The following MED27 variants were observed in gnomAD, a reference collection of about 807,000 sequenced individuals.
MED27 encodes the protein mediator of RNA polymerase II transcription subunit 27.
In MED27, 30 loss-of-function variants were observed where a neutral mutation model predicts 38.2. The observed-to-expected ratio is 0.79, with a 90% confidence interval of 0.59 to 1.07. MED27 has a LOEUF of 1.07. MED27 is among the 50% of genes least tolerant of loss of function. The pLI, the probability that MED27 is intolerant of heterozygous loss-of-function variation, is 0.00. For missense variants in MED27, 289 were observed against 397.5 expected (o/e 0.73, Z 2.32); for synonymous variants, 122 against 153.5 (o/e 0.79, Z 1.52).
intron 3 of MED27, among the ~76,000 whole-genome samples, chr9:131,981,921 G>A (rs1240766934): frequency 1.3e-5 from 2 of 152,198 alleles, no homozygotes. Flanking sequence ...ACTCCAGTCA[G>A]GAGGAAAGCA....
At chr9:131,903,891 CTTTTT>C (rs35837340) in intron 4 of MED27, among the ~76,000 whole-genome samples, 3 of 126,722 alleles carry the variant, frequency 2.4e-5, no homozygotes, top group Non-Finnish European at 5.2e-5. Flanking sequence ...CCACACACAG[CTTTTT>C]TTTTTTTTTT....
Position 132,077,454 on chromosome 9 carries a change from C to T in MED27, c.336G>A (p.Lys112=), listed in dbSNP as rs1407324577. ...PLYSQLLQAY[K]WSNKLQYHAG... ...ACATCTCCCTTACCTTGTTTGACCA[C>T]TTATATGCTTGAAGGAGTTGACTAT... is the stretch of plus-strand genomic sequence containing the variant. The change falls in exon 2 of 8, where the codon AAG becomes AAA. Residue 112 remains lysine, a synonymous_variant. Coordinates refer to ENST00000292035, the MANE Select transcript of MED27 (RefSeq NM_004269.4). 4.3e-6 allele frequency: 7 copies of T among 1,613,998 alleles called. No individual in the cohort carries two copies. The highest frequency in any genetic ancestry group is 1.3e-5 in the African/African-American group (1 of 75,052).
intron 4 of MED27, among the ~76,000 whole-genome samples, chr9:131,894,899 C>T (rs1320430900): frequency 6.6e-6 from 1 of 152,138 alleles, no homozygotes; most frequent in African/African-American, 2.4e-5. Flanking sequence ...TACTGTGTCC[C>T]TGCTCTGGCA....
chr9:131,929,057 C>A (rs1288322650), intron 4 of MED27, among the ~76,000 whole-genome samples: 1 of 152,206 alleles, frequency 6.6e-6, no homozygotes, highest in Non-Finnish European at 1.5e-5. Flanking sequence ...GGGCACCAGG[C>A]AGTCGTGAGG....
intron 2 of MED27, among the ~76,000 whole-genome samples, chr9:132,034,217 G>A (rs1012995527): frequency 4.6e-5 from 7 of 152,110 alleles, no homozygotes; most frequent in Non-Finnish European, 8.8e-5. Flanking sequence ...CATATCATTA[G>A]GTCTCATAAA....
At chr9:132,013,615 G>C (rs1185040508) in intron 3 of MED27, among the ~76,000 whole-genome samples, 1 of 152,102 alleles carries the variant, frequency 6.6e-6, no homozygotes, top group Non-Finnish European at 1.5e-5. Flanking sequence ...AATGAACCTA[G>C]CATTTATTCT....
intron 3 of MED27, among the ~76,000 whole-genome samples, chr9:131,991,088 T>A (rs931190487): frequency 4.6e-5 from 7 of 152,152 alleles, no homozygotes; most frequent in African/African-American, 1.2e-4. Flanking sequence ...TGTTTTCCCT[T>A]CCAAGACAAC....
intron 4 of MED27, among the ~76,000 whole-genome samples, chr9:131,906,499 G>C (rs1290680344): frequency 6.6e-6 from 1 of 152,212 alleles, no homozygotes; most frequent in Non-Finnish European, 1.5e-5. Context: ...AGGGGCCTTT[G>C]AGACTCTGAT....
At chr9:132,011,854 T>G (rs1832492735) in intron 3 of MED27, among the ~76,000 whole-genome samples, 1 of 152,224 alleles carries the variant, frequency 6.6e-6, no homozygotes, top group African/African-American at 2.4e-5. Context: ...CATTTCTATG[T>G]TGTATTCTTA....
At chr9:131,891,503 T>C (rs539852729) in intron 5 of MED27, among the ~76,000 whole-genome samples, 2 of 152,330 alleles carry the variant, frequency 1.3e-5, no homozygotes, top group East Asian at 3.9e-4. Flanking sequence ...TTGCATACTC[T>C]CTACTCCCTG....
intron 2 of MED27, among the ~76,000 whole-genome samples, chr9:132,075,967 C>T (rs1373030109): frequency 6.6e-6 from 1 of 152,186 alleles, no homozygotes; most frequent in Non-Finnish European, 1.5e-5. Flanking sequence ...AGGATCCCAC[C>T]CACGGGTGCA....
At chr9:131,903,782 CAG>C (rs1829997796) in intron 4 of MED27, among the ~76,000 whole-genome samples, 1 of 152,068 alleles carries the variant, frequency 6.6e-6, no homozygotes, top group South Asian at 2.1e-4. Context: ...GGTTGGAGTG[CAG>C]TAGCATGATC....
chr9:131,977,779 G>A (rs1348761024), intron 3 of MED27, among the ~76,000 whole-genome samples: 1 of 152,212 alleles, frequency 6.6e-6, no homozygotes, highest in Non-Finnish European at 1.5e-5. Flanking sequence ...GTTGAGGGGT[G>A]CTAGACAACC....
intron 2 of MED27, chr9:132,073,596 C>T: frequency 7.1e-7 from 1 of 1,414,740 alleles, no homozygotes; most frequent in South Asian, 1.6e-5. Flanking sequence ...AAAAGAGCAC[C>T]TTCAGAGATA....
chr9:131,864,526 A>C lies in MED27; in HGVS notation c.724-1386T>G, dbSNP rs956311422. Among the ~76,000 whole-genome samples, 88 of 152,036 alleles carry C rather than the reference A, an allele frequency of 5.8e-4. 1 individual carries two copies. Among genetic ancestry groups the C allele is most frequent in the Middle Eastern group, 3.2e-3 (1 of 316 alleles). On this transcript the variant is annotated intron_variant, in intron 6 of 7. Transcript: ENST00000292035. ...ACACCTAAAATAAAAAACCCAAAAA[A>C]CTCCAGAGAAAATCCTTAGCTTTGA... is the stretch of plus-strand genomic sequence containing the variant.
intron 6 of MED27, among the ~76,000 whole-genome samples, chr9:131,880,883 A>T (rs1839024490): frequency 6.6e-6 from 1 of 152,110 alleles, no homozygotes; most frequent in South Asian, 2.1e-4. Context: ...CTTGCATTAA[A>T]AAATACTTAA....
chr9:131,877,007 G>A (rs780814128), intron 6 of MED27, among the ~76,000 whole-genome samples: 1 of 152,136 alleles, frequency 6.6e-6, no homozygotes, highest in African/African-American at 2.4e-5. Flanking sequence ...TTTAAGAGGC[G>A]GGGAGATGGT....
At position 131,976,838 on chromosome 9, in the gene MED27, T is replaced by C. The variant is rs1831617220; in HGVS notation, c.480-37364A>G. Among the ~76,000 whole-genome samples the C allele has an allele frequency of 2.0e-5, 3 of 152,210 alleles. 1 individual carries two copies. The South Asian group carries it at 6.2e-4, about 32-fold the overall frequency. The stretch of plus-strand genomic sequence containing the variant: ...TCCTGTCTCTAATCTACAACACTAT[T>C]ATCTAATCAGGAAAGACTGAAAAAC... On this transcript the variant is annotated intron_variant, in intron 3 of 7. Transcript: ENST00000292035.
chr9:131,921,347 C>T (rs1376751463), intron 4 of MED27, among the ~76,000 whole-genome samples: 1 of 152,196 alleles, frequency 6.6e-6, no homozygotes, highest in Non-Finnish European at 1.5e-5. Context: ...TTGTCTGAAA[C>T]AATTACTATG....
Sources: allele counts gnomAD v4.1 joint callset (sites outside exome capture counted in the v4.1 genomes callset), GRCh38; gene constraint gnomAD v4.1.1; transcripts MANE v1.5; gene names NCBI Gene and HGNC (gene_info 2026-07-23, HGNC 2026-07-21).